The following CTNNA3 variants were observed in gnomAD, a reference collection of about 807,000 sequenced individuals.
The protein encoded by CTNNA3 is catenin alpha 3, also known as catenin alpha-3.
Under a neutral mutation model 95.7 loss-of-function variants are expected in CTNNA3, and 76 were observed. That is an observed-to-expected ratio of 0.79 (90% CI 0.66 to 0.96). The LOEUF (loss-of-function observed/expected upper bound fraction) is 0.96, where lower values mean the gene tolerates loss of function less well. Among genes scored for constraint, CTNNA3 ranks in the 40% least tolerant of loss-of-function variants. CTNNA3 has a pLI of 0.00. For synonymous variants in CTNNA3, 431 were observed against 374.4 expected (o/e 1.15, Z -1.74); for missense variants, 1,191 against 1,089.8 (o/e 1.09, Z -1.31).
At chr10:67,530,640 A>G (rs1311269745) in intron 4 of CTNNA3, among the ~76,000 whole-genome samples, 2 of 152,230 alleles carry the variant, frequency 1.3e-5, no homozygotes, top group South Asian at 4.1e-4. Context: ...TTGCAACCTG[A>G]AAATGTGATA....
At chr10:66,643,193 T>C (rs1468180540) in intron 9 of CTNNA3, among the ~76,000 whole-genome samples, 1 of 152,196 alleles carries the variant, frequency 6.6e-6, no homozygotes, top group East Asian at 1.9e-4. Flanking sequence ...TTGTAAATCT[T>C]GTCAACAGCA....
At chr10:66,367,850 TATAATAATAATA>T (rs201921395) in intron 12 of CTNNA3, among the ~76,000 whole-genome samples, 1,113 of 100,176 alleles carry the variant, frequency 0.011, 19 homozygotes, top group African/African-American at 0.028. Flanking sequence ...AGGCTTCTTT[TATAATAATAATA>T]ATAATAATAA....
intron 7 of CTNNA3, among the ~76,000 whole-genome samples, chr10:66,882,550 T>A (rs1304230627): frequency 6.6e-6 from 1 of 152,170 alleles, no homozygotes; most frequent in African/African-American, 2.4e-5. Flanking sequence ...GAAAGATGCT[T>A]ACATACTTCC....
intron 5 of CTNNA3, among the ~76,000 whole-genome samples, chr10:67,289,350 A>G (rs1443286940): frequency 1.3e-5 from 2 of 152,202 alleles, no homozygotes; most frequent in South Asian, 2.1e-4. Flanking sequence ...ACATCGTTAT[A>G]TGCCAGAGCT....
rs1245493345 is a variant in CTNNA3, at chr10:66,642,835, T to C, written c.1282-21051A>G. Among the ~76,000 whole-genome samples the C allele has an allele frequency of 3.9e-5, 6 of 152,260 alleles. No homozygotes were observed. In the South Asian group the frequency reaches 1.2e-3, roughly 32 times the overall value. On this transcript the variant is annotated intron_variant, in intron 9 of 17. Transcript: ENST00000433211. ...CTTCTTTAACATGAAAAAGTCAACA[T>C]CTTAACTGTTGAAGGCTCTGCTTTA... is the stretch of plus-strand genomic sequence containing the variant.
chr10:67,241,208 G>A (rs952246544), intron 5 of CTNNA3, among the ~76,000 whole-genome samples: 2 of 152,074 alleles, frequency 1.3e-5, no homozygotes, highest in Non-Finnish European at 2.9e-5. Flanking sequence ...ATCACCTGAG[G>A]TCAGGAGTTC....
intron 11 of CTNNA3, among the ~76,000 whole-genome samples, chr10:66,488,149 T>C (rs1406402853): frequency 1.3e-5 from 2 of 152,224 alleles, no homozygotes; most frequent in East Asian, 3.8e-4. Flanking sequence ...ACAATCTTTC[T>C]ATAAATTGAC....
At chr10:66,487,132 C>T (rs1011241617) in intron 11 of CTNNA3, among the ~76,000 whole-genome samples, 6 of 135,466 alleles carry the variant, frequency 4.4e-5, no homozygotes. Flanking sequence ...AGCATGGTGA[C>T]GATAGTAATA....
In CTNNA3 at chr10:65,941,487, G is replaced by A. The variant is rs535957048; in HGVS notation, c.2401-20870C>T. ...TGCCTGGAATATTTAAGCTACCCAC[G>A]TGATTCCCATGCAGAAAATAAAGCC... On this transcript the variant is annotated intron_variant, in intron 17 of 17. Coordinates refer to ENST00000433211, the MANE Select transcript of CTNNA3 (RefSeq NM_013266.4). Among the ~76,000 whole-genome samples the A allele has an allele frequency of 6.9e-4, 105 of 152,302 alleles. No individual in the cohort carries two copies. In the South Asian group the frequency reaches 0.017, roughly 24 times the overall value.
chr10:66,097,338 C>T (rs2081435782), intron 14 of CTNNA3, among the ~76,000 whole-genome samples: 1 of 152,042 alleles, frequency 6.6e-6, no homozygotes, highest in Non-Finnish European at 1.5e-5. Flanking sequence ...CAGGAGCACA[C>T]AAAGATCTGC....
intron 1 of CTNNA3, among the ~76,000 whole-genome samples, chr10:67,692,439 C>T (rs1393985926): frequency 4.6e-5 from 6 of 131,684 alleles, no homozygotes; most frequent in Non-Finnish European, 9.6e-5. Context: ...TGTGACCTTA[C>T]CCCCAACCCT....
At position 66,443,736 on chromosome 10, in the gene CTNNA3, G is replaced by C. The variant is rs184591211; in HGVS notation, c.1532-64384C>G. ...ACAAAGATGGGGAAAAAACAGAGCA[G>C]AAAAACCAGAAACTCTAAAAAGCAG... On this transcript the variant is annotated intron_variant, in intron 11 of 17. Coordinates refer to ENST00000433211, the MANE Select transcript of CTNNA3 (RefSeq NM_013266.4). Among the ~76,000 whole-genome samples, 1,044 of 152,094 alleles carry C rather than the reference G, an allele frequency of 6.9e-3. 11 individuals carry two copies. Among genetic ancestry groups the C allele is most frequent in the African/African-American group, 0.024 (994 of 41,444 alleles).
At chr10:67,157,818 C>A (rs1040772507) in intron 7 of CTNNA3, among the ~76,000 whole-genome samples, 1 of 152,092 alleles carries the variant, frequency 6.6e-6, no homozygotes, top group African/African-American at 2.4e-5. Context: ...AAAAAAATCA[C>A]CCTGATCATC....
At chr10:66,442,253 A>C (rs1180268860) in intron 11 of CTNNA3, among the ~76,000 whole-genome samples, 4 of 152,182 alleles carry the variant, frequency 2.6e-5, no homozygotes, top group African/African-American at 9.7e-5. Context: ...ACACTATTTT[A>C]TATAAGGAAC....
At chr10:66,512,678 T>C (rs922040339) in intron 11 of CTNNA3, among the ~76,000 whole-genome samples, 1 of 152,168 alleles carries the variant, frequency 6.6e-6, no homozygotes, top group African/African-American at 2.4e-5. Flanking sequence ...GCATTTCTTG[T>C]AGGTTCAGTT....
At chr10:67,015,222 C>T (rs1852584192) in intron 7 of CTNNA3, 1 of 151,986 alleles carries the variant, frequency 6.6e-6, no homozygotes, top group Non-Finnish European at 1.5e-5. Context: ...ATAGTTTATA[C>T]CATTTATATG....
At chr10:66,768,525 G>A (rs1013833541) in intron 8 of CTNNA3, among the ~76,000 whole-genome samples, 1 of 152,118 alleles carries the variant, frequency 6.6e-6, no homozygotes, top group African/African-American at 2.4e-5. Context: ...CTGTGTTAAT[G>A]CTCTTCAAAT....
rs865972613 is a variant in CTNNA3 at position 67,211,440 on chromosome 10, T to C, written c.843+8167A>G. ...GGTCTAATACTCATTACTATCCATGTGTTTTATTTAATCATCAAGATAAAG... is the reference window on the plus strand; with the variant it reads ...GGTCTAATACTCATTACTATCCATGCGTTTTATTTAATCATCAAGATAAAG... On this transcript the variant is annotated intron_variant, in intron 6 of 17. Transcript: ENST00000433211. 1.7e-4 allele frequency among the ~76,000 whole-genome samples: 26 copies of C among 152,324 alleles called. No individual in the cohort carries two copies. In the Middle Eastern group the frequency reaches 0.014, roughly 80 times the overall value.
intron 8 of CTNNA3, among the ~76,000 whole-genome samples, chr10:66,767,414 C>A (rs1265825194): frequency 6.7e-6 from 1 of 149,378 alleles, no homozygotes; most frequent in Non-Finnish European, 1.5e-5. Context: ...CCACTGCATT[C>A]TAGCCCAGGC....
Sources: allele counts gnomAD v4.1 joint callset (sites outside exome capture counted in the v4.1 genomes callset), GRCh38; gene constraint gnomAD v4.1.1; transcripts MANE v1.5; gene names NCBI Gene and HGNC (gene_info 2026-07-23, HGNC 2026-07-21).